ANKRD12: variants seen among roughly 807,000 people sequenced by gnomAD.
ANKRD12 encodes ankyrin repeat domain 12, also known as ankyrin repeat domain-containing protein 12.
A neutral mutation model predicts 183.4 loss-of-function variants in ANKRD12; 85 were observed. The observed-to-expected ratio is 0.46, with a 90% CI of 0.39 to 0.56. The LOEUF (loss-of-function observed/expected upper bound fraction) is 0.56, where lower values mean the gene tolerates loss of function less well. Among genes scored for constraint, ANKRD12 ranks in the 20% least tolerant of loss-of-function variants. The pLI, the probability that ANKRD12 is intolerant of heterozygous loss-of-function variation, is 0.00. For synonymous variants in ANKRD12, 914 were observed against 800.2 expected (o/e 1.14, Z -2.40); for missense variants, 2,405 against 2,357.1 (o/e 1.02, Z -0.42).
At chr18:9,260,626 A>G (rs372966077) in intron 9 of ANKRD12, among the ~76,000 whole-genome samples, 1 of 152,326 alleles carries the variant, frequency 6.6e-6, no homozygotes, top group East Asian at 1.9e-4. Flanking sequence ...AAGTGCATCC[A>G]TGAGAAGCTG....
intron 1 of ANKRD12, among the ~76,000 whole-genome samples, chr18:9,170,277 A>C (rs1376893740): frequency 6.6e-6 from 1 of 152,116 alleles, no homozygotes; most frequent in Non-Finnish European, 1.5e-5. Flanking sequence ...TAGATTGGGG[A>C]AGTTCTCCTG....
intron 8 of ANKRD12, among the ~76,000 whole-genome samples, chr18:9,251,591 C>T (rs559948573): frequency 6.6e-6 from 1 of 151,950 alleles, no homozygotes; most frequent in Non-Finnish European, 1.5e-5. Context: ...GTCGGGAGTT[C>T]GAGACCAGTC....
At chr18:9,202,835 T>TTCAGATGC (rs1224169188) in intron 3 of ANKRD12, among the ~76,000 whole-genome samples, 7 of 152,214 alleles carry the variant, frequency 4.6e-5, no homozygotes, top group Non-Finnish European at 1.0e-4. Context: ...TTATAGACTA[T>TTCAGATGC]TCAGATGCCC....
In ANKRD12 at chr18:9,244,115, CAA is replaced by C. The variant is rs577289065; in HGVS notation, c.944-10095_944-10094del. On this transcript the variant is annotated intron_variant, in intron 8 of 12. Transcript: ENST00000262126. ...CACCACTGCGCTCCAACCTGGACAA[CAA>C]GAGCGAAATTCCGTCTCAAAAAAAT... Among the ~76,000 whole-genome samples the C allele has an allele frequency of 2.4e-4, 37 of 152,292 alleles. No individual in the cohort carries two copies. The South Asian group carries it at 4.1e-3, about 17-fold the overall frequency.
intron 8 of ANKRD12, among the ~76,000 whole-genome samples, chr18:9,245,104 A>G (rs2037881908): frequency 6.6e-6 from 1 of 152,130 alleles, no homozygotes; most frequent in African/African-American, 2.4e-5. Context: ...CATATAAACA[A>G]ATACCATTCC....
intron 8 of ANKRD12, among the ~76,000 whole-genome samples, chr18:9,230,262 T>C (rs2036965423): frequency 6.6e-6 from 1 of 152,220 alleles, no homozygotes; most frequent in African/African-American, 2.4e-5. Flanking sequence ...TTTTTCAGTT[T>C]GTTGCATATA....
intron 7 of ANKRD12, among the ~76,000 whole-genome samples, chr18:9,218,659 T>A (rs1230226383): frequency 2.1e-5 from 3 of 140,386 alleles, no homozygotes; most frequent in African/African-American, 7.4e-5. Flanking sequence ...AAAACACTTC[T>A]TTTTTCTTTT....
In ANKRD12 at chr18:9,163,511, C is replaced by T. The variant is rs57896272; in HGVS notation, c.-51-18871C>T. On this transcript the variant is annotated intron_variant, in intron 1 of 12. Transcript: ENST00000262126. Reference sequence around the variant, plus strand: ...TTTCCTTAGGATTGTCTTGGCTATACGGGCTCTTTTTTGGTACCATATGAA... The same window carrying T: ...TTTCCTTAGGATTGTCTTGGCTATATGGGCTCTTTTTTGGTACCATATGAA... Among the ~76,000 whole-genome samples the T allele has an allele frequency of 8.6e-3, 1,314 of 152,208 alleles. 22 individuals carry two copies. Among genetic ancestry groups the T allele is most frequent in the African/African-American group, 0.03 (1,239 of 41,526 alleles).
chr18:9,163,944 T>C (rs1041254612), intron 1 of ANKRD12, among the ~76,000 whole-genome samples: 1 of 152,186 alleles, frequency 6.6e-6, no homozygotes, highest in African/African-American at 2.4e-5. Flanking sequence ...ACAATGTGAT[T>C]TTCTAGATAT....
chr18:9,276,378 A>G (rs1568008008), intron 11 of ANKRD12, among the ~76,000 whole-genome samples: 1 of 152,188 alleles, frequency 6.6e-6, no homozygotes, highest in Non-Finnish European at 1.5e-5. Context: ...TATTTTTCTC[A>G]TCTATAAAAA....
rs775787876 is a variant in ANKRD12 at position 9,255,817 on chromosome 18, G to T, written c.2550G>T (p.Glu850Asp). The change falls in exon 9 of 13, where the codon GAG becomes GAT. Residue 850 changes from glutamate to aspartate, a missense_variant. Glu to Asp is a conservative substitution (Grantham distance 45, BLOSUM62 2). This residue lies in a region of ANKRD12 where 1,983 missense variants were observed against 1,725.9 expected (regional missense o/e 1.15). Transcript: ENST00000262126. ...AAAAAGAAAAGAAGATAAAACATGA[G>T]CATAAGTCAGAAAAAGACAAATTAG... ...TFEKEKKIKH[E>D]HKSEKDKLDL... is the part of the protein sequence containing the mutation. 6.3e-7 allele frequency: 1 copy of T among 1,577,080 alleles called. No homozygotes were observed. Among genetic ancestry groups the T allele is most frequent in the Non-Finnish European group, 8.5e-7 (1 of 1,169,888 alleles).
intron 8 of ANKRD12, among the ~76,000 whole-genome samples, chr18:9,224,200 AT>A (rs1266865088): frequency 2.0e-5 from 3 of 152,132 alleles, no homozygotes; most frequent in Non-Finnish European, 4.4e-5. Flanking sequence ...AAGTTATAAA[AT>A]TTTTTTCAGA....
At position 9,257,153 on chromosome 18, in the gene ANKRD12, C is replaced by T. The variant is rs35260255; in HGVS notation, c.3886C>T (p.Leu1296=). The part of the protein sequence containing the change: ...LRSSSVEDVK[L]IISEGRPTIE... ...GTCATCTTCTGTAGAAGATGTTAAA[C>T]TAATTATAAGCGAGGGGAGACCTAC... is the stretch of plus-strand genomic sequence containing the variant. Residue 1296 remains leucine (L), a synonymous_variant, in exon 9 of 13, where the codon CTA becomes TTA. Coordinates refer to ENST00000262126, the MANE Select transcript of ANKRD12 (RefSeq NM_015208.5). The T allele has an allele frequency of 7.6e-4, 1,220 of 1,614,112 alleles. 6 individuals carry two copies. In the African/African-American group the frequency reaches 0.014, roughly 19 times the overall value.
chr18:9,244,122 G>A (rs1042579999), intron 8 of ANKRD12, among the ~76,000 whole-genome samples: 3 of 152,094 alleles, frequency 2.0e-5, no homozygotes, highest in Non-Finnish European at 2.9e-5. Flanking sequence ...CAACAAGAGC[G>A]AAATTCCGTC....
At chr18:9,170,029 T>C (rs1420556113) in intron 1 of ANKRD12, among the ~76,000 whole-genome samples, 1 of 152,250 alleles carries the variant, frequency 6.6e-6, no homozygotes, top group African/African-American at 2.4e-5. Context: ...TTAAGAATGT[T>C]GAATATTGGT....
intron 3 of ANKRD12, among the ~76,000 whole-genome samples, chr18:9,199,926 C>G (rs1425240797): frequency 6.6e-6 from 1 of 152,028 alleles, no homozygotes; most frequent in Admixed American, 6.6e-5. Context: ...TTTATTACTT[C>G]CTTCTTGGTC....
chr18:9,143,268 T>C (rs72935248), intron 1 of ANKRD12, among the ~76,000 whole-genome samples: 9,617 of 152,302 alleles, frequency 0.063, 333 homozygotes, highest in Non-Finnish European at 0.079. Context: ...ACTCAAGAAC[T>C]TAAGTTGAAA....
chr18:9,273,006 G>T (rs978912887), intron 10 of ANKRD12, among the ~76,000 whole-genome samples: 1 of 152,092 alleles, frequency 6.6e-6, no homozygotes, highest in Non-Finnish European at 1.5e-5. Context: ...CACATTCTTT[G>T]TATTCTCACA....
intron 10 of ANKRD12, among the ~76,000 whole-genome samples, chr18:9,271,081 TTTTG>T (rs1162480196): frequency 6.6e-6 from 1 of 152,160 alleles, no homozygotes; most frequent in Non-Finnish European, 1.5e-5. Flanking sequence ...AGGGATTTTC[TTTTG>T]TTTTTTTGAG....
Sources: gnomAD v4.1 joint callset for allele counts (sites outside exome capture counted in the v4.1 genomes callset) on GRCh38, gnomAD v4.1.1 for gene constraint, gnomAD v4.1.1 regional missense constraint, MANE v1.5 for transcripts, NCBI Gene and HGNC (gene_info 2026-07-23, HGNC 2026-07-21) for gene names.